The following PTPRK variants were observed in gnomAD, a reference collection of about 807,000 sequenced individuals.
PTPRK encodes protein tyrosine phosphatase receptor type K.
A neutral mutation model predicts 178.0 loss-of-function variants in PTPRK; 75 were observed. That is an observed-to-expected ratio of 0.42 (90% CI 0.35 to 0.51). The LOEUF is 0.51. Ranked by LOEUF, PTPRK falls within the 20% of genes least tolerant of loss-of-function variation. The pLI is 0.02. For missense variants in PTPRK, 1,441 were observed against 1,797.8 expected, an observed-to-expected ratio of 0.80 and a Z score of 3.59; for synonymous variants, 637 against 620.6, an observed-to-expected ratio of 1.03 and a Z score of -0.39.
intron 21 of PTPRK, 87 bp downstream of exon 21, chr6:127,990,682 G>T: frequency 1.2e-6 from 1 of 801,606 alleles, no homozygotes; most frequent in Non-Finnish European, 2.1e-6. Flanking sequence ...GGATTTTATA[G>T]CATCATCAAA....
intron 1 of PTPRK, among the ~76,000 whole-genome samples, chr6:128,468,902 T>G (rs930091841): frequency 4.0e-5 from 5 of 126,566 alleles, no homozygotes; most frequent in African/African-American, 1.5e-4. Flanking sequence ...AAATTCAATA[T>G]ACACATTAAA....
intron 7 of PTPRK, 69 bp downstream of exon 7, chr6:128,184,363 C>G: frequency 6.9e-7 from 1 of 1,444,678 alleles, no homozygotes; most frequent in South Asian, 1.3e-5. Flanking sequence ...ACCTTCAACA[C>G]TGCATGTATT....
chr6:128,474,773 G>C (rs1469944245), intron 1 of PTPRK, among the ~76,000 whole-genome samples: 1 of 152,072 alleles, frequency 6.6e-6, no homozygotes, highest in Non-Finnish European at 1.5e-5. Flanking sequence ...CTGCTAAAAG[G>C]AAAAGATCAT....
At chr6:128,025,355 TATAC>T (rs1774129395) in intron 13 of PTPRK, among the ~76,000 whole-genome samples, 2 of 152,210 alleles carry the variant, frequency 1.3e-5, no homozygotes, top group African/African-American at 4.8e-5. Flanking sequence ...CACACATTCT[TATAC>T]ATCTTTTGCA....
At chr6:128,227,590 C>T (rs80028872) in intron 5 of PTPRK, among the ~76,000 whole-genome samples, 78 of 152,160 alleles carry the variant, frequency 5.1e-4, no homozygotes, top group African/African-American at 1.7e-3. Flanking sequence ...ACTTATTTCA[C>T]ATAAAAATGA....
chr6:128,004,957 T>TTGCC, intron 15 of PTPRK, 127 bp downstream of exon 15: 1 of 760,988 alleles, frequency 1.3e-6, no homozygotes, highest in South Asian at 2.2e-5. Flanking sequence ...CTCCATCTCT[T>TTGCC]TCTCTTCTTT....
chr6:128,150,580 C>A (rs1161768776), intron 7 of PTPRK, among the ~76,000 whole-genome samples: 2 of 152,110 alleles, frequency 1.3e-5, no homozygotes, highest in Non-Finnish European at 2.9e-5. Flanking sequence ...CAAGACTTCT[C>A]TGCTTCCTTG....
At position 128,005,926 on chromosome 6, in the gene PTPRK, TGAAA is replaced by T; in HGVS notation, c.2334-686_2334-683del. 4 of 953,074 alleles carry T rather than the reference TGAAA, an allele frequency of 4.2e-6. No homozygotes were observed. In the Admixed American group the frequency reaches 1.0e-4, roughly 24 times the overall value. 59.0% of individuals were successfully genotyped at this position (953,074 alleles called of 1,614,324 possible). On this transcript the variant is annotated intron_variant, in intron 14 of 29. Coordinates refer to ENST00000368226, the MANE Select transcript of PTPRK (RefSeq NM_002844.4). ...TTAGAGTCTGAAAAAACTTTTTTTTTGAAATGTCACCAAAATTGCAAGCATTCTG... is the reference window on the plus strand; with the variant it reads ...TTAGAGTCTGAAAAAACTTTTTTTTTTGTCACCAAAATTGCAAGCATTCTG...
At chr6:128,048,832 T>G (rs1296375013) in intron 13 of PTPRK, among the ~76,000 whole-genome samples, 15 of 152,172 alleles carry the variant, frequency 9.9e-5, no homozygotes, top group Non-Finnish European at 2.2e-4. Context: ...CCGGGACCAG[T>G]CCTCCTTGGA....
chr6:128,141,524 A>T (rs1039766360), intron 7 of PTPRK, among the ~76,000 whole-genome samples: 2 of 151,854 alleles, frequency 1.3e-5, no homozygotes, highest in African/African-American at 4.8e-5. Flanking sequence ...CATAAACAAA[A>T]CAAAACTCCT....
chr6:128,294,552 A>G (rs1367856390), intron 3 of PTPRK, among the ~76,000 whole-genome samples: 1 of 152,026 alleles, frequency 6.6e-6, no homozygotes, highest in Non-Finnish European at 1.5e-5. Context: ...TGCATTTTTC[A>G]TACTAAATTT....
At chr6:128,220,214 A>ATTTAT (rs1810141022) in intron 5 of PTPRK, among the ~76,000 whole-genome samples, 1 of 152,198 alleles carries the variant, frequency 6.6e-6, no homozygotes, top group South Asian at 2.1e-4. Flanking sequence ...TCAAGGAAAT[A>ATTTAT]CCCATCAAGG....
intron 7 of PTPRK, among the ~76,000 whole-genome samples, chr6:128,138,594 GCT>G (rs1795339456): frequency 6.6e-6 from 1 of 152,044 alleles, no homozygotes; most frequent in Non-Finnish European, 1.5e-5. Flanking sequence ...TTTAAAAACA[GCT>G]CTGATTTTTC....
intron 1 of PTPRK, among the ~76,000 whole-genome samples, chr6:128,501,573 G>C (rs1459739181): frequency 6.6e-6 from 1 of 152,166 alleles, no homozygotes; most frequent in African/African-American, 2.4e-5. Context: ...TGGAGCACAG[G>C]AATTTCCATT....
At chr6:128,166,644 C>T (rs1799445295) in intron 7 of PTPRK, among the ~76,000 whole-genome samples, 1 of 151,644 alleles carries the variant, frequency 6.6e-6, no homozygotes, top group Non-Finnish European at 1.5e-5. Flanking sequence ...ATGGTGTCTT[C>T]TAATAACATA....
At chr6:128,310,464 C>T (rs538276848) in intron 3 of PTPRK, among the ~76,000 whole-genome samples, 16 of 152,210 alleles carry the variant, frequency 1.1e-4, no homozygotes, top group African/African-American at 3.6e-4. Flanking sequence ...CAAAAAACTC[C>T]GAACAAGGAA....
chr6:128,042,335 T>C (rs1004314553), intron 13 of PTPRK, among the ~76,000 whole-genome samples: 5 of 152,096 alleles, frequency 3.3e-5, no homozygotes, highest in African/African-American at 1.2e-4. Flanking sequence ...CACAAATTTA[T>C]ATTTTATATA....
At chr6:128,093,737 T>A (rs1396762896) in intron 7 of PTPRK, among the ~76,000 whole-genome samples, 1 of 151,252 alleles carries the variant, frequency 6.6e-6, no homozygotes, top group African/African-American at 2.4e-5. Context: ...GATCAAGTCA[T>A]CCATCTATAA....
At chr6:128,102,774 A>G (rs1218339569) in intron 7 of PTPRK, among the ~76,000 whole-genome samples, 2 of 152,152 alleles carry the variant, frequency 1.3e-5, no homozygotes, top group African/African-American at 4.8e-5. Context: ...AAAATCTCCA[A>G]ATCCGAGCTA....
Sources: gnomAD v4.1 joint callset for allele counts (sites outside exome capture counted in the v4.1 genomes callset) on GRCh38, gnomAD v4.1.1 for gene constraint, MANE v1.5 for transcripts, NCBI Gene and HGNC (gene_info 2026-07-23, HGNC 2026-07-21) for gene names.